KAT6A: variants seen among roughly 807,000 people sequenced by gnomAD.
KAT6A encodes lysine acetyltransferase 6A.
A neutral mutation model predicts 198.4 loss-of-function variants in KAT6A; 9 were observed. The ratio of observed to expected loss-of-function variants is 0.05; its 90% confidence interval spans 0.03 to 0.08. The LOEUF (loss-of-function observed/expected upper bound fraction) is 0.08. Ranked by LOEUF, KAT6A falls within the 10% of genes least tolerant of loss-of-function variation. The pLI is 1.00. For missense variants in KAT6A, 2,077 were observed against 2,509.9 expected (o/e 0.83, Z 3.69); for synonymous variants, 890 against 883.0 (o/e 1.01, Z -0.14).
intron 16 of KAT6A, among the ~76,000 whole-genome samples, chr8:41,935,288 T>C (rs971010754): frequency 1.3e-5 from 2 of 151,528 alleles, no homozygotes; most frequent in East Asian, 3.9e-4. Flanking sequence ...TATTTCCTCT[T>C]TTTTTTTCTG....
chr8:41,932,303 G>A lies in KAT6A; in HGVS notation c.5917C>T (p.His1973Tyr). The A allele has an allele frequency of 6.2e-7, 1 of 1,614,220 alleles. No individual in the cohort carries two copies. The highest frequency in any genetic ancestry group is 8.5e-7 in the Non-Finnish European group (1 of 1,180,028). ...YTQQPMQPNP[H>Y]GNMMYTGPSH... ...GGGCCTGTGTACATCATGTTCCCATGAGGGTTAGGCTGCATAGGCTGCTGG... is the reference window on the plus strand; with the variant it reads ...GGGCCTGTGTACATCATGTTCCCATAAGGGTTAGGCTGCATAGGCTGCTGG... Residue 1973 changes from histidine (H) to tyrosine (Y), a missense_variant, in exon 17 of 17, where the codon CAT (histidine) becomes TAT (tyrosine). Physicochemically the swap from His to Tyr is moderately conservative, Grantham distance 83 (BLOSUM62 2). Coordinates refer to ENST00000265713, the MANE Select transcript of KAT6A (RefSeq NM_006766.5).
intron 8 of KAT6A, among the ~76,000 whole-genome samples, chr8:41,963,235 T>C (rs1053180957): frequency 6.6e-6 from 1 of 152,192 alleles, no homozygotes; most frequent in Non-Finnish European, 1.5e-5. Flanking sequence ...TTGATAAAAA[T>C]TTTAAACAAT....
chr8:41,974,780 C>A lies in KAT6A; in HGVS notation c.1406G>T (p.Arg469Leu), dbSNP rs375671062. The A allele has an allele frequency of 1.2e-6, 2 of 1,609,904 alleles. No homozygotes were observed. Among genetic ancestry groups the A allele is most frequent in the East Asian group, 4.5e-5 (2 of 44,610 alleles). ...CATGATTTCCTGGCTCCCAAAAAGTCGCTCCTCATTTTCTTGTTTGCCATC... is the reference window on the plus strand; with the variant it reads ...CATGATTTCCTGGCTCCCAAAAAGTAGCTCCTCATTTTCTTGTTTGCCATC... ...GWDGKQENEE[R>L]LFGSQEIMTE... Residue 469 changes from arginine (R) to leucine (L), a missense_variant, in exon 8 of 17, where the codon CGA (arginine) becomes CTA (leucine). By Grantham distance (102) the Arg-to-Leu change is moderately radical. This residue lies in a region of KAT6A where 206 missense variants were observed against 214.9 expected (regional missense o/e 0.96). Coordinates refer to ENST00000265713, the MANE Select transcript of KAT6A (RefSeq NM_006766.5).
chr8:41,934,639 G>A lies in KAT6A; in HGVS notation c.3581C>T (p.Ser1194Phe). The change falls in exon 17 of 17, where the codon TCC becomes TTC. Residue 1194 changes from serine to phenylalanine, a missense_variant. Ser to Phe is a radical substitution (Grantham distance 155). Around this residue, in one of 13 missense-constraint regions of KAT6A, gnomAD observed 375 missense variants for 383.0 expected, o/e 0.98. Transcript: ENST00000265713. The stretch of plus-strand genomic sequence containing the variant: ...GGGTTTACGTCCAGCTTTAGGAATG[G>A]AAACGATGGGCTCAATGACGCATGC... ...TQACVIEPIV[S>F]IPKAGRKPKI... The A allele has an allele frequency of 1.2e-6, 2 of 1,614,134 alleles. No homozygotes were observed. Among genetic ancestry groups the A allele is most frequent in the Non-Finnish European group, 1.7e-6 (2 of 1,180,040 alleles).
chr8:41,951,470 G>T (rs1822666236), intron 9 of KAT6A, among the ~76,000 whole-genome samples: 1 of 152,196 alleles, frequency 6.6e-6, no homozygotes, highest in Non-Finnish European at 1.5e-5. Context: ...ATGAAATGTA[G>T]TTATAAAGAT....
In KAT6A at chr8:42,035,855, T is replaced by C. The variant is rs942035777; in HGVS notation, c.600+12523A>G. On this transcript the variant is annotated intron_variant, in intron 2 of 16. Coordinates refer to ENST00000265713, the MANE Select transcript of KAT6A (RefSeq NM_006766.5). ...AGGATCTGCAGTGGTTTTTTGGTTG[T>C]TTTTACTCTAACGGGAGAGTCTTCT... is the stretch of plus-strand genomic sequence containing the variant. Among the ~76,000 whole-genome samples, 4 of 152,130 alleles carry C rather than the reference T, an allele frequency of 2.6e-5. No homozygotes were observed. In the East Asian group the frequency reaches 5.8e-4, roughly 22 times the overall value.
chr8:42,012,948 C>A (rs1011648866), intron 2 of KAT6A, among the ~76,000 whole-genome samples: 6 of 151,930 alleles, frequency 3.9e-5, no homozygotes, highest in African/African-American at 9.7e-5. Context: ...TGAAATAAGC[C>A]AAACTTAAAA....
intron 2 of KAT6A, among the ~76,000 whole-genome samples, chr8:42,037,533 C>G (rs187956994): frequency 6.6e-4 from 100 of 152,262 alleles, no homozygotes; most frequent in African/African-American, 2.2e-3. Flanking sequence ...AAAACCAACA[C>G]TTAGCAGCTC....
intron 9 of KAT6A, among the ~76,000 whole-genome samples, chr8:41,954,965 A>G (rs913311765): frequency 1.3e-5 from 2 of 152,184 alleles, no homozygotes; most frequent in Admixed American, 6.5e-5. Context: ...ATTAATTTAT[A>G]TATGAGTTCT....
At chr8:42,040,735 CAAAAAAAAAAA>C (rs59959496) in intron 2 of KAT6A, among the ~76,000 whole-genome samples, 7 of 54,672 alleles carry the variant, frequency 1.3e-4, no homozygotes, top group African/African-American at 3.1e-4. Context: ...GACTCTGTCT[CAAAAAAAAAAA>C]AAAAAAAAAA....
intron 2 of KAT6A, among the ~76,000 whole-genome samples, chr8:42,042,314 G>A (rs1257746944): frequency 2.0e-5 from 3 of 151,712 alleles, no homozygotes; most frequent in South Asian, 2.1e-4. Flanking sequence ...AAAATTAGCC[G>A]GGCATGGTGG....
chr8:41,945,943 T>C (rs987284479), intron 12 of KAT6A, among the ~76,000 whole-genome samples: 2 of 149,834 alleles, frequency 1.3e-5, no homozygotes, highest in African/African-American at 2.5e-5. Flanking sequence ...GGCAGAAGAA[T>C]AGCCTGAACC....
chr8:41,939,735 C>T (rs1353325482), intron 15 of KAT6A, among the ~76,000 whole-genome samples: 7 of 152,188 alleles, frequency 4.6e-5, no homozygotes, highest in African/African-American at 1.4e-4. Context: ...GAAACTACCA[C>T]AGCCAAGAGG....
At chr8:42,019,393 G>A (rs556296019) in intron 2 of KAT6A, among the ~76,000 whole-genome samples, 1 of 151,980 alleles carries the variant, frequency 6.6e-6, no homozygotes, top group Admixed American at 6.5e-5. Context: ...TTTTTCCTCA[G>A]TTTCCTTCAG....
At chr8:41,952,353 A>C (rs1342110600) in intron 9 of KAT6A, among the ~76,000 whole-genome samples, 1 of 152,164 alleles carries the variant, frequency 6.6e-6, no homozygotes, top group African/African-American at 2.4e-5. Flanking sequence ...AGCTAAGCTC[A>C]AAGCAGCACA....
At chr8:42,041,139 G>A (rs1266993942) in intron 2 of KAT6A, among the ~76,000 whole-genome samples, 1 of 146,688 alleles carries the variant, frequency 6.8e-6, no homozygotes, top group Non-Finnish European at 1.5e-5. Context: ...AGGTTGCAGT[G>A]AGCCAAGGTT....
chr8:41,988,933 G>C (rs1214006150), intron 2 of KAT6A, among the ~76,000 whole-genome samples: 2 of 152,122 alleles, frequency 1.3e-5, no homozygotes, highest in African/African-American at 4.8e-5. Flanking sequence ...TGATTTGCTT[G>C]CTTCCCCAAG....
At chr8:41,967,672 G>T (rs917631225) in intron 8 of KAT6A, among the ~76,000 whole-genome samples, 41 of 151,938 alleles carry the variant, frequency 2.7e-4, no homozygotes, top group African/African-American at 9.9e-4. Context: ...TATATGTGCC[G>T]CATTTTCTTA....
intron 2 of KAT6A, 103 bp downstream of exon 2, chr8:42,048,275 G>C: frequency 7.9e-7 from 1 of 1,271,786 alleles, no homozygotes; most frequent in Non-Finnish European, 1.1e-6. Context: ...TCACTCCACA[G>C]AAGTCCCCAA....
Sources: gnomAD v4.1 joint callset for allele counts (sites outside exome capture counted in the v4.1 genomes callset) on GRCh38, gnomAD v4.1.1 for gene constraint, gnomAD v4.1.1 regional missense constraint, MANE v1.5 for transcripts, NCBI Gene and HGNC (gene_info 2026-07-23, HGNC 2026-07-21) for gene names.